Variants in CDCP1 observed in about 807,000 individuals in gnomAD.
CDCP1 encodes the protein CUB domain-containing protein 1.
In CDCP1, 29 loss-of-function variants were observed where a neutral mutation model predicts 60.2. The ratio of observed to expected loss-of-function variants is 0.48; its 90% CI spans 0.36 to 0.66. The LOEUF is 0.66. CDCP1 is among the 30% of genes least tolerant of loss of function. The pLI is 0.00. For missense variants in CDCP1, 876 were observed against 1,074.3 expected (o/e 0.82, Z 2.58); for synonymous variants, 387 against 431.1 (o/e 0.90, Z 1.27).
chr3:45,104,937 A>C (rs1359633372), intron 4 of CDCP1, among the ~76,000 whole-genome samples: 1 of 152,240 alleles, frequency 6.6e-6, no homozygotes, highest in African/African-American at 2.4e-5. Context: ...AATCCCAGCT[A>C]CTTGAGAAGC....
intron 4 of CDCP1, among the ~76,000 whole-genome samples, chr3:45,100,330 A>G (rs1156940637): frequency 6.6e-6 from 1 of 152,198 alleles, no homozygotes; most frequent in Non-Finnish European, 1.5e-5. Context: ...TCTTTGGTTC[A>G]GGGACTCTCA....
chr3:45,089,021 A>C, intron 8 of CDCP1, 33 bp downstream of exon 8: 4 of 1,530,986 alleles, frequency 2.6e-6, no homozygotes, highest in Non-Finnish European at 3.6e-6. Flanking sequence ...GGAGGCATCA[A>C]ATCAGATAAA....
intron 8 of CDCP1, 22 bp downstream of exon 8, chr3:45,089,030 AAG>A (rs1698246546): frequency 6.3e-7 from 1 of 1,585,708 alleles, no homozygotes; most frequent in South Asian, 1.1e-5. Flanking sequence ...AAATCAGATA[AAG>A]AGAGTAAGAG....
Position 45,146,122 on chromosome 3 carries a change from T to C in CDCP1, c.82+84A>G. On this transcript the variant is annotated intron_variant, in intron 1 of 8. Coordinates refer to ENST00000296129, the MANE Select transcript of CDCP1 (RefSeq NM_022842.5). The stretch of plus-strand genomic sequence containing the variant: ...CCCTCCGCACCCTCCGCACCCTGCG[T>C]CCCTCGGCCGCATCTCCGCCGGGCG... 9 of 1,155,394 alleles carry C rather than the reference T, an allele frequency of 7.8e-6. 1 individual carries two copies. Among genetic ancestry groups the C allele is most frequent in the South Asian group, 4.5e-5 (3 of 67,162 alleles). 71.6% of individuals were successfully genotyped at this position (1,155,394 alleles called of 1,614,324 possible).
At chr3:45,128,734 T>A (rs572456293) in intron 1 of CDCP1, among the ~76,000 whole-genome samples, 8 of 152,354 alleles carry the variant, frequency 5.3e-5, no homozygotes, top group African/African-American at 1.9e-4. Flanking sequence ...TTTACTTTTT[T>A]GAGACAGAGT....
At chr3:45,089,014 G>A in intron 8 of CDCP1, 40 bp downstream of exon 8, 1 of 1,429,828 alleles carries the variant, frequency 7.0e-7, no homozygotes, top group South Asian at 1.1e-5. Context: ...GATCTGAGGA[G>A]GCATCAAATC....
chr3:45,146,390 C>T (rs995631362), upstream of CDCP1: 26 of 1,029,372 alleles, frequency 2.5e-5, no homozygotes, highest in Admixed American at 4.1e-5. Context: ...GCTCACTCAC[C>T]TGCGCGCGGG....
intron 1 of CDCP1, among the ~76,000 whole-genome samples, chr3:45,145,306 A>AAAACCTGTACTAATCTCGCG (rs1008121956): frequency 2.6e-5 from 4 of 152,224 alleles, no homozygotes; most frequent in African/African-American, 9.6e-5. Context: ...TAAAAAACAC[A>AAAACCTGTACTAATCTCGCG]AAACCTGTAC....
At chr3:45,129,252 C>T (rs1699048855) in intron 1 of CDCP1, among the ~76,000 whole-genome samples, 1 of 152,216 alleles carries the variant, frequency 6.6e-6, no homozygotes, top group Non-Finnish European at 1.5e-5. Context: ...AAGGACACAT[C>T]TGCGTATAAA....
chr3:45,111,983 G>A, intron 3 of CDCP1, 100 bp downstream of exon 3: 3 of 1,407,142 alleles, frequency 2.1e-6, no homozygotes, highest in Non-Finnish European at 2.9e-6. Flanking sequence ...TTTTTATATT[G>A]AGTATTAGAG....
In CDCP1 at chr3:45,110,580, G is replaced by A. The variant is rs762322803; in HGVS notation, c.917C>T (p.Ala306Val). 2.8e-5 allele frequency: 45 copies of A among 1,614,056 alleles called. No homozygotes were observed. Among genetic ancestry groups the A allele is most frequent in the East Asian group, 4.5e-5 (2 of 44,894 alleles). Residue 306 changes from alanine to valine, a missense_variant, in exon 4 of 9, where the codon GCG (alanine) becomes GTG (valine). By Grantham distance (64) the Ala-to-Val change is moderately conservative. This residue lies in a region of CDCP1 where 726 missense variants were observed against 935.7 expected (regional missense o/e 0.78). Coordinates refer to ENST00000296129, the MANE Select transcript of CDCP1 (RefSeq NM_022842.5). Reference protein sequence around the residue: ...KLEDKQPGNMAGNFNLSLQGC... With the variant: ...KLEDKQPGNMVGNFNLSLQGC... ...TTGCAGAGAGAGGTTGAAGTTCCCC[G>A]CCATGTTCCCAGGCTGCTTGTCCTC...
intron 1 of CDCP1, among the ~76,000 whole-genome samples, chr3:45,133,490 G>A (rs1168143048): frequency 1.0e-3 from 2 of 2,010 alleles, no homozygotes; most frequent in Non-Finnish European, 6.0e-3. Context: ...AGGCCGAGGC[G>A]GGCGGATCAC....
intron 1 of CDCP1, among the ~76,000 whole-genome samples, chr3:45,135,737 C>T (rs1460367463): frequency 1.3e-5 from 2 of 152,162 alleles, no homozygotes; most frequent in Admixed American, 1.3e-4. Context: ...AGACCTCAGG[C>T]ACCAGGAGAA....
chr3:45,103,694 T>A (rs1050793190), intron 4 of CDCP1, among the ~76,000 whole-genome samples: 1 of 151,990 alleles, frequency 6.6e-6, no homozygotes, highest in African/African-American at 2.4e-5. Flanking sequence ...TTCACAAGAG[T>A]GGGCTGTTAT....
In CDCP1 at chr3:45,082,874, G is replaced by C. The variant is rs1663068124; in HGVS notation, c.*2764C>G. 1 of 152,202 alleles carries C rather than the reference G, an allele frequency of 6.6e-6. No individual in the cohort carries two copies. Among genetic ancestry groups the C allele is most frequent in the South Asian group, 2.1e-4 (1 of 4,834 alleles). 9.4% of individuals were successfully genotyped at this position (152,202 alleles called of 1,614,324 possible). A position where few individuals can be genotyped will look rare whatever the true frequency, so the allele number is the denominator to read the frequency against. On this transcript the variant is annotated 3_prime_UTR_variant, in exon 9 of 9. Coordinates refer to ENST00000296129, the MANE Select transcript of CDCP1 (RefSeq NM_022842.5). ...AAATGTTTTACGTAAGTGGGGCCTG[G>C]GCTTTAAAGAAAAGAGCCAGGGTTC...
intron 1 of CDCP1, among the ~76,000 whole-genome samples, chr3:45,134,053 C>T (rs1313235942): frequency 1.3e-5 from 2 of 152,162 alleles, no homozygotes; most frequent in Non-Finnish European, 2.9e-5. Flanking sequence ...CCCACGGCAG[C>T]CAGGGTGTGA....
rs974924659 is a variant in CDCP1, at chr3:45,085,542, T to A, written c.*96A>T. ...AAAACCTCCTGCTGTTCCTTCTGTATAATTCCTCTTCTTTAGGATTTCTGG... is the reference window on the plus strand; with the variant it reads ...AAAACCTCCTGCTGTTCCTTCTGTAAAATTCCTCTTCTTTAGGATTTCTGG... On this transcript the variant is annotated 3_prime_UTR_variant, in exon 9 of 9. Coordinates refer to ENST00000296129, the MANE Select transcript of CDCP1 (RefSeq NM_022842.5). This position sits in a 1 kb window ranked among gnomAD's most constrained non-coding sequence, Gnocchi z 4.2. 2 of 1,299,302 alleles carry A rather than the reference T, an allele frequency of 1.5e-6. No individual in the cohort carries two copies. Among genetic ancestry groups the A allele is most frequent in the Non-Finnish European group, 2.1e-6 (2 of 933,472 alleles). The allele number at this position is 1,299,302 out of a possible 1,614,324, so 80.5% of individuals were successfully genotyped here.
chr3:45,128,233 A>G (rs970844672), intron 1 of CDCP1, among the ~76,000 whole-genome samples: 6 of 152,210 alleles, frequency 3.9e-5, no homozygotes, highest in Non-Finnish European at 7.4e-5. Context: ...AGGGCAGGGA[A>G]GAAGGCCCGA....
At chr3:45,133,797 G>T (rs1699146583) in intron 1 of CDCP1, among the ~76,000 whole-genome samples, 3 of 150,662 alleles carry the variant, frequency 2.0e-5, no homozygotes, top group South Asian at 4.2e-4. Flanking sequence ...CCCTTCCTTG[G>T]CCTGTAATCT....
Sources: allele counts gnomAD v4.1 joint callset (sites outside exome capture counted in the v4.1 genomes callset), GRCh38; gene constraint gnomAD v4.1.1; regional missense constraint gnomAD v4.1.1; non-coding constraint Gnocchi (gnomAD v3.1); transcripts MANE v1.5; gene names NCBI Gene and HGNC (gene_info 2026-07-23, HGNC 2026-07-21).